Variants in PCDHGB7 observed in about 807,000 individuals in gnomAD.
PCDHGB7 encodes protocadherin gamma subfamily B, 7.
A neutral mutation model predicts 61.4 loss-of-function variants in PCDHGB7; 37 were observed. That is an observed-to-expected ratio of 0.60 (90% CI 0.46 to 0.79). The LOEUF (loss-of-function observed/expected upper bound fraction) is 0.79. Ranked by LOEUF, PCDHGB7 falls within the 30% of genes least tolerant of loss-of-function variation. PCDHGB7 has a pLI of 0.00. For missense variants in PCDHGB7, 1,166 were observed against 1,202.5 expected (o/e 0.97, Z 0.45); for synonymous variants, 464 against 503.5 (o/e 0.92, Z 1.05).
rs368512862 is a variant in PCDHGB7 at position 141,491,734 on chromosome 5, G to T, written c.2416-3073G>T. ...CTCGGCGCCGCCCCGGGCGACCCCT[G>T]GGGGCGGCACTGGAGAAGCCGCCCG... On this transcript the variant is annotated intron_variant, in intron 1 of 3. Transcript: ENST00000398594. The surrounding 1 kb of genome is among the most constrained non-coding windows in gnomAD (Gnocchi z 6.9). 2.5e-4 allele frequency: 403 copies of T among 1,602,056 alleles called. No individual in the cohort carries two copies. Among genetic ancestry groups the T allele is most frequent in the Non-Finnish European group, 3.2e-4 (380 of 1,174,948 alleles).
intron 1 of PCDHGB7, among the ~76,000 whole-genome samples, chr5:141,483,201 C>A (rs2099578254): frequency 6.6e-6 from 1 of 152,108 alleles, no homozygotes; most frequent in Non-Finnish European, 1.5e-5. Context: ...TTATTTTATT[C>A]CATATAGATG....
chr5:141,478,392 A>G, intron 1 of PCDHGB7: 1 of 1,613,560 alleles, frequency 6.2e-7, no homozygotes, highest in Non-Finnish European at 8.5e-7. Context: ...CTTTACCATC[A>G]GGTGTATCTC....
At chr5:141,420,468 T>G in intron 1 of PCDHGB7, 194 bp downstream of exon 1, 1 of 799,886 alleles carries the variant, frequency 1.3e-6, no homozygotes, top group East Asian at 3.3e-5. Context: ...CAAAGACATT[T>G]TAAAGCAAAC....
At chr5:141,449,212 GT>G (rs1405401595) in intron 1 of PCDHGB7, among the ~76,000 whole-genome samples, 1 of 152,134 alleles carries the variant, frequency 6.6e-6, no homozygotes, top group African/African-American at 2.4e-5. Context: ...CTAACTTTCT[GT>G]TTTGAAATGA....
intron 1 of PCDHGB7, among the ~76,000 whole-genome samples, chr5:141,480,272 G>A (rs903112862): frequency 7.2e-6 from 1 of 138,796 alleles, no homozygotes; most frequent in African/African-American, 3.0e-5. Flanking sequence ...TTCATTAGCT[G>A]GGTGTGTTGG....
chr5:141,491,901 G>C lies in PCDHGB7; in HGVS notation c.2416-2906G>C, dbSNP rs1196717010. 1 of 1,429,696 alleles carries C rather than the reference G, an allele frequency of 7.0e-7. No homozygotes were observed. The highest frequency in any genetic ancestry group is 9.3e-7 in the Non-Finnish European group (1 of 1,080,148). 88.6% of individuals were successfully genotyped at this position (1,429,696 alleles called of 1,614,324 possible). ...AAGGGATGGGGCTCCGAGCACCGGG[G>C]GTGGTGGCGACTGTGGGCGAGGGGA... On this transcript the variant is annotated intron_variant, in intron 1 of 3. Transcript: ENST00000398594. The surrounding 1 kb of genome is among the most constrained non-coding windows in gnomAD (Gnocchi z 6.9).
intron 1 of PCDHGB7, among the ~76,000 whole-genome samples, chr5:141,434,530 A>G (rs1241680580): frequency 6.6e-6 from 1 of 152,226 alleles, no homozygotes; most frequent in African/African-American, 2.4e-5. Flanking sequence ...CTTAAACCAC[A>G]AACAATAGCA....
intron 1 of PCDHGB7, chr5:141,468,682 C>A (rs377685711): frequency 4.6e-5 from 7 of 151,296 alleles, no homozygotes; most frequent in African/African-American, 1.7e-4. Context: ...CTGGCTAACA[C>A]GGTGAAACCC....
Position 141,477,919 on chromosome 5 carries a change from G to A in PCDHGB7, c.2416-16888G>A. 2.5e-6 allele frequency: 4 copies of A among 1,614,162 alleles called. No individual in the cohort carries two copies. The highest frequency in any genetic ancestry group is 8.5e-7 in the Non-Finnish European group (1 of 1,180,026). The stretch of plus-strand genomic sequence containing the variant: ...TGGTAGGCTGGGACGCGGATGCAGG[G>A]CACAATGCCTGGCTCTCCTACAGTC... On this transcript the variant is annotated intron_variant, in intron 1 of 3. Transcript: ENST00000398594. The surrounding 1 kb of genome is among the most constrained non-coding windows in gnomAD (Gnocchi z 4.9).
rs1594951324 is a variant in PCDHGB7, at chr5:141,490,871, T to G, written c.2416-3936T>G. 6.2e-7 allele frequency: 1 copy of G among 1,613,918 alleles called. No individual in the cohort carries two copies. The highest frequency in any genetic ancestry group is 8.5e-7 in the Non-Finnish European group (1 of 1,179,944). On this transcript the variant is annotated intron_variant, in intron 1 of 3. Coordinates refer to ENST00000398594, the MANE Select transcript of PCDHGB7 (RefSeq NM_018927.4). This position sits in a 1 kb window ranked among gnomAD's most constrained non-coding sequence, Gnocchi z 5.4. ...GTTCGAGACTCCGGCTCTCCCCCAT[T>G]GCATGCCAACACATCTCTGCATGTG...
chr5:141,510,032 T>C (rs1410346284), intron 3 of PCDHGB7, among the ~76,000 whole-genome samples: 3 of 152,150 alleles, frequency 2.0e-5, no homozygotes, highest in Non-Finnish European at 4.4e-5. Flanking sequence ...GCTGGGCTGT[T>C]ATGTAGAGGT....
chr5:141,442,006 G>A (rs540427406), intron 1 of PCDHGB7: 77 of 229,074 alleles, frequency 3.4e-4, no homozygotes, highest in African/African-American at 1.6e-3. Context: ...CTGACAGCTC[G>A]CACGATGGGC....
In PCDHGB7 at chr5:141,491,778, C is replaced by T. The variant is rs568710854; in HGVS notation, c.2416-3029C>T. 3.1e-4 allele frequency: 482 copies of T among 1,547,678 alleles called. No homozygotes were observed. The highest frequency in any genetic ancestry group is 2.2e-3 in the Middle Eastern group (13 of 5,890). On this transcript the variant is annotated intron_variant, in intron 1 of 3. Transcript: ENST00000398594. This position sits in a 1 kb window ranked among gnomAD's most constrained non-coding sequence, Gnocchi z 6.9. Reference sequence around the variant, plus strand: ...CCGCCCGTCCTCATAAGGGATTGAACTTGCATCCACTCCTCTCCGGCCGGC... The same window carrying T: ...CCGCCCGTCCTCATAAGGGATTGAATTTGCATCCACTCCTCTCCGGCCGGC...
At chr5:141,426,586 G>A (rs2096944939) in intron 1 of PCDHGB7, 1 of 363,442 alleles carries the variant, frequency 2.8e-6, no homozygotes, top group African/African-American at 2.1e-5. Flanking sequence ...AAAATCCTCT[G>A]TGTCATACCC....
intron 1 of PCDHGB7, among the ~76,000 whole-genome samples, chr5:141,469,449 C>A (rs1017174114): frequency 2.0e-5 from 3 of 151,846 alleles, no homozygotes; most frequent in African/African-American, 7.3e-5. Context: ...GTGGTGCACA[C>A]CTGTAGTCTC....
Position 141,418,120 on chromosome 5 carries a change from G to A in PCDHGB7, c.261G>A (p.Lys87=). 1 of 1,614,084 alleles carries A rather than the reference G, an allele frequency of 6.2e-7. No homozygotes were observed. Among genetic ancestry groups the A allele is most frequent in the Non-Finnish European group, 8.5e-7 (1 of 1,179,902 alleles). The change falls in exon 1 of 4, where the codon AAG becomes AAA. Residue 87 remains lysine (K), a synonymous_variant. Coordinates refer to ENST00000398594, the MANE Select transcript of PCDHGB7 (RefSeq NM_018927.4). The part of the protein sequence containing the change: ...VDAQSGDLLV[K]DRIDREQICK... ...CGCAGAGCGGGGACTTACTTGTGAA[G>A]GACCGAATAGACCGTGAGCAAATAT... is the stretch of plus-strand genomic sequence containing the variant.
Position 141,418,862 on chromosome 5 carries a change from G to C in PCDHGB7, c.1003G>C (p.Val335Leu), listed in dbSNP as rs749632113. 6.2e-7 allele frequency: 1 copy of C among 1,613,994 alleles called. No homozygotes were observed. The highest frequency in any genetic ancestry group is 8.5e-7 in the Non-Finnish European group (1 of 1,179,880). ...GSLSTRCKVI[V>L]EVVDENDNSP... ...TCTCTCAACACGGTGTAAAGTAATT[G>C]TAGAAGTTGTAGACGAAAACGACAA... The change falls in exon 1 of 4, where the codon GTA (valine) becomes CTA (leucine). Residue 335 changes from valine (V) to leucine (L), a missense_variant. Coordinates refer to ENST00000398594, the MANE Select transcript of PCDHGB7 (RefSeq NM_018927.4).
chr5:141,434,209 A>G (rs946478332), intron 1 of PCDHGB7, among the ~76,000 whole-genome samples: 17 of 152,216 alleles, frequency 1.1e-4, no homozygotes, highest in African/African-American at 4.1e-4. Flanking sequence ...TACTTCTGTC[A>G]GTGTAAACAA....
intron 2 of PCDHGB7, among the ~76,000 whole-genome samples, chr5:141,504,948 T>C (rs1044527570): frequency 2.0e-5 from 3 of 152,080 alleles, no homozygotes; most frequent in Admixed American, 1.3e-4. Flanking sequence ...GAATGCACTA[T>C]GTTCAATGCA....
Sources: gnomAD v4.1 joint callset for allele counts (sites outside exome capture counted in the v4.1 genomes callset) on GRCh38, gnomAD v4.1.1 for gene constraint, Gnocchi (gnomAD v3.1) non-coding constraint, MANE v1.5 for transcripts, NCBI Gene and HGNC (gene_info 2026-07-23, HGNC 2026-07-21) for gene names.